Variants in DNAH14 observed in about 807,000 individuals in gnomAD.
The protein encoded by DNAH14 is dynein axonemal heavy chain 14, also known as axonemal beta dynein heavy chain 14.
A neutral mutation model predicts 520.9 loss-of-function variants in DNAH14; 478 were observed. That is an observed-to-expected ratio of 0.92 (90% confidence interval 0.85 to 0.99). The LOEUF (loss-of-function observed/expected upper bound fraction) is 0.99, where lower values mean the gene tolerates loss of function less well. Among genes scored for constraint, DNAH14 ranks in the 50% least tolerant of loss-of-function variants. The pLI, the probability that DNAH14 is intolerant of heterozygous loss-of-function variation, is 0.00. For synonymous variants in DNAH14, 1,581 were observed against 1,757.2 expected, an observed-to-expected ratio of 0.90 and a Z score of 2.51; for missense variants, 4,831 against 5,234.5, an observed-to-expected ratio of 0.92 and a Z score of 2.38.
intron 55 of DNAH14, among the ~76,000 whole-genome samples, chr1:225,292,217 T>G (rs2093908240): frequency 6.6e-6 from 1 of 152,182 alleles, no homozygotes; most frequent in South Asian, 2.1e-4. Context: ...TTTCTTCCAG[T>G]AGTTTTATAG....
At chr1:225,264,064 G>T in intron 46 of DNAH14, 133 bp from the exon 47 acceptor site, 1 of 665,812 alleles carries the variant, frequency 1.5e-6, no homozygotes. Context: ...TGAAAAGGTG[G>T]AAACAGAAAA....
chr1:225,056,572 C>T (rs1248845509), intron 17 of DNAH14, among the ~76,000 whole-genome samples: 7 of 152,072 alleles, frequency 4.6e-5, no homozygotes, highest in South Asian at 2.1e-4. Flanking sequence ...CTGTTGCCAT[C>T]GCTTTTGGTG....
intron 21 of DNAH14, 97 bp downstream of exon 21, chr1:225,085,886 A>C: frequency 1.6e-6 from 2 of 1,219,830 alleles, no homozygotes; most frequent in Non-Finnish European, 2.2e-6. Context: ...GAATTGTATA[A>C]ATCATTCATA....
At chr1:225,119,127 T>A (rs1053416323) in intron 25 of DNAH14, 93 bp from the exon 26 acceptor site, 18 of 865,746 alleles carry the variant, frequency 2.1e-5, no homozygotes, top group Non-Finnish European at 2.8e-5. Context: ...ATTATTAAAG[T>A]ATGTAGAAAA....
chr1:225,394,629 G>A (rs775463625), intron 84 of DNAH14, among the ~76,000 whole-genome samples: 6 of 152,112 alleles, frequency 3.9e-5, no homozygotes, highest in Non-Finnish European at 7.4e-5. Flanking sequence ...GCTCACCTGA[G>A]ATCAGGAGTT....
intron 74 of DNAH14, among the ~76,000 whole-genome samples, chr1:225,358,886 C>T (rs1056852186): frequency 9.2e-5 from 14 of 152,182 alleles, no homozygotes; most frequent in Admixed American, 5.2e-4. Context: ...GCACTCACTA[C>T]GTCCTGCCAC....
intron 37 of DNAH14, among the ~76,000 whole-genome samples, chr1:225,186,515 G>A (rs781782675): frequency 2.0e-4 from 31 of 151,694 alleles, no homozygotes; most frequent in Non-Finnish European, 3.7e-4. Context: ...AGTTTTTTAA[G>A]TACAAAAGTA....
At chr1:225,110,650 GT>G (rs1237507525) in intron 23 of DNAH14, among the ~76,000 whole-genome samples, 1 of 150,774 alleles carries the variant, frequency 6.6e-6, no homozygotes, top group Non-Finnish European at 1.5e-5. Context: ...CTTTTCTATA[GT>G]GTAATTTCAT....
chr1:225,197,926 G>A (rs34051059), intron 38 of DNAH14, among the ~76,000 whole-genome samples: 19,439 of 152,100 alleles, frequency 0.13, 1,401 homozygotes, highest in East Asian at 0.31. Flanking sequence ...TCATTTCTAG[G>A]AGCGTTCTGG....
chr1:225,127,407 A>G lies in DNAH14; in HGVS notation c.4254+3793A>G, dbSNP rs539882031. ...CTGGGTGCTCCTGTATTGGGTGCATATATATTTAGGATAGTTAGCTCTTCT... is the reference window on the plus strand; with the variant it reads ...CTGGGTGCTCCTGTATTGGGTGCATGTATATTTAGGATAGTTAGCTCTTCT... On this transcript the variant is annotated intron_variant, in intron 27 of 85. Coordinates refer to ENST00000682510, the MANE Select transcript of DNAH14 (RefSeq NM_001367479.1). Among the ~76,000 whole-genome samples the G allele has an allele frequency of 4.3e-3, 654 of 151,074 alleles. 2 individuals carry two copies. The highest frequency in any genetic ancestry group is 0.011 in the South Asian group (54 of 4,772).
rs141008086 is a variant in DNAH14, at chr1:224,979,335, G to A, written c.830+5182G>A. The stretch of plus-strand genomic sequence containing the variant: ...TCTGAGCACTTAGAGGAGGGAGAGT[G>A]CAGTGCTTGTGGGACTGTTCATTGA... On this transcript the variant is annotated intron_variant, in intron 8 of 85. Coordinates refer to ENST00000682510, the MANE Select transcript of DNAH14 (RefSeq NM_001367479.1). Among the ~76,000 whole-genome samples, 125 of 152,278 alleles carry A rather than the reference G, an allele frequency of 8.2e-4. No individual in the cohort carries two copies. In the Middle Eastern group the frequency reaches 0.024, roughly 29 times the overall value.
chr1:225,166,873 T>A (rs900181910), intron 35 of DNAH14, among the ~76,000 whole-genome samples: 2 of 152,246 alleles, frequency 1.3e-5, no homozygotes, highest in African/African-American at 2.4e-5. Context: ...ATTATGATTT[T>A]ATTTCAAAAC....
chr1:225,264,453 G>C (rs1424649434), intron 47 of DNAH14, among the ~76,000 whole-genome samples, 192 bp downstream of exon 47: 1 of 152,132 alleles, frequency 6.6e-6, no homozygotes, highest in Non-Finnish European at 1.5e-5. Flanking sequence ...GGTTCTGGTA[G>C]AGGAGTATTA....
At chr1:225,236,080 G>C (rs1387507105) in intron 42 of DNAH14, among the ~76,000 whole-genome samples, 1 of 151,828 alleles carries the variant, frequency 6.6e-6, no homozygotes, top group Non-Finnish European at 1.5e-5. Context: ...TAGCTTTGGG[G>C]TTTGTTTGCT....
chr1:225,378,084 C>G (rs2095726265), intron 79 of DNAH14, among the ~76,000 whole-genome samples: 1 of 152,038 alleles, frequency 6.6e-6, no homozygotes, highest in East Asian at 1.9e-4. Flanking sequence ...TGACCCCAAT[C>G]TAACACAAGG....
chr1:225,263,555 C>T (rs1366215447), intron 46 of DNAH14, among the ~76,000 whole-genome samples: 1 of 151,898 alleles, frequency 6.6e-6, no homozygotes, highest in Non-Finnish European at 1.5e-5. Flanking sequence ...ATCTTGATTT[C>T]CTCTGCTTCT....
At chr1:225,199,014 C>A in intron 38 of DNAH14, among the ~76,000 whole-genome samples, 1 of 152,016 alleles carries the variant, frequency 6.6e-6, no homozygotes, top group East Asian at 1.9e-4. Flanking sequence ...CCATTTTATT[C>A]TCCATGTTTG....
intron 36 of DNAH14, among the ~76,000 whole-genome samples, chr1:225,178,892 C>T (rs983895529): frequency 1.3e-5 from 2 of 152,028 alleles, no homozygotes; most frequent in African/African-American, 4.8e-5. Context: ...TCAAGTCTTT[C>T]CCATGCTGTT....
chr1:225,351,101 C>T (rs1482475380), intron 71 of DNAH14, among the ~76,000 whole-genome samples: 4 of 152,154 alleles, frequency 2.6e-5, no homozygotes, highest in Non-Finnish European at 4.4e-5. Context: ...CTGAACTGTA[C>T]ACTTAAGAAT....
Sources: allele counts gnomAD v4.1 joint callset (sites outside exome capture counted in the v4.1 genomes callset), GRCh38; gene constraint gnomAD v4.1.1; transcripts MANE v1.5; gene names NCBI Gene and HGNC (gene_info 2026-07-23, HGNC 2026-07-21).